Variants in FNIP2 observed in about 807,000 individuals in gnomAD.
FNIP2 encodes folliculin interacting protein 2, also known as folliculin-interacting protein 2.
Under a neutral mutation model 108.7 loss-of-function variants are expected in FNIP2, and 32 were observed. That is an observed-to-expected ratio of 0.29 (90% CI 0.22 to 0.40). The LOEUF is 0.40. Among genes scored for constraint, FNIP2 ranks in the 10% least tolerant of loss-of-function variants. The pLI is 1.00. For synonymous variants in FNIP2, 480 were observed against 496.7 expected (o/e 0.97, Z 0.45); for missense variants, 1,202 against 1,381.6 (o/e 0.87, Z 2.06).
intron 1 of FNIP2, among the ~76,000 whole-genome samples, chr4:158,816,877 A>G (rs1009983764): frequency 4.6e-5 from 7 of 150,872 alleles, no homozygotes; most frequent in Non-Finnish European, 8.9e-5. Flanking sequence ...CAGTTTGGCT[A>G]TTTTTAAGTA....
chr4:158,829,607 A>G (rs1778349990), intron 3 of FNIP2, among the ~76,000 whole-genome samples: 1 of 152,202 alleles, frequency 6.6e-6, no homozygotes, highest in Non-Finnish European at 1.5e-5. Context: ...AGAACATACC[A>G]GTAAAAGGAA....
intron 7 of FNIP2, among the ~76,000 whole-genome samples, chr4:158,850,341 A>C (rs1180279918): frequency 6.6e-6 from 1 of 151,972 alleles, no homozygotes; most frequent in East Asian, 1.9e-4. Flanking sequence ...TAGGGAAGTA[A>C]AAGCAGAACA....
rs768352457 is a variant in FNIP2, at chr4:158,861,732, T to C, written c.1421T>C (p.Met474Thr). The change falls in exon 12 of 17, where the codon ATG (methionine) becomes ACG (threonine). Residue 474 changes from methionine (M) to threonine (T), a missense_variant. Met to Thr is a moderately conservative substitution (Grantham distance 81). Around this residue, in one of 5 missense-constraint regions of FNIP2, gnomAD observed 878 missense variants for 990.3 expected, o/e 0.89. Coordinates refer to ENST00000264433, the MANE Select transcript of FNIP2 (RefSeq NM_020840.3). ...SEKRTSQSVN[M>T]LAKTHPYNPL... ...AAACGTACCTCCCAGTCAGTGAACA[T>C]GCTGGCCAAAACACATCCGTATAAT... 13 of 1,614,024 alleles carry C rather than the reference T, an allele frequency of 8.1e-6. No individual in the cohort carries two copies. The highest frequency in any genetic ancestry group is 1.1e-5 in the Non-Finnish European group (13 of 1,179,894).
At chr4:158,848,025 A>T (rs1049706079) in intron 7 of FNIP2, among the ~76,000 whole-genome samples, 1 of 152,186 alleles carries the variant, frequency 6.6e-6, no homozygotes, top group African/African-American at 2.4e-5. Context: ...GACTCCAGGC[A>T]TTGGCTCACA....
At chr4:158,831,664 A>C (rs1778489414) in intron 3 of FNIP2, among the ~76,000 whole-genome samples, 197 bp from the exon 4 acceptor site, 1 of 152,252 alleles carries the variant, frequency 6.6e-6, no homozygotes, top group Non-Finnish European at 1.5e-5. Context: ...CAGAGAAGAA[A>C]TCACAAACAT....
At chr4:158,782,953 T>C (rs1163038388) in intron 1 of FNIP2, among the ~76,000 whole-genome samples, 1 of 152,246 alleles carries the variant, frequency 6.6e-6, no homozygotes, top group East Asian at 1.9e-4. Flanking sequence ...ATCCACACTT[T>C]AATTTGTTCA....
intron 12 of FNIP2, among the ~76,000 whole-genome samples, chr4:158,863,243 G>A (rs145044520): frequency 1.6e-3 from 251 of 152,328 alleles, no homozygotes; most frequent in African/African-American, 5.6e-3. Flanking sequence ...CAAAGAAGTC[G>A]GGGGCCTTCA....
At chr4:158,784,834 G>T (rs9884355) in intron 1 of FNIP2, among the ~76,000 whole-genome samples, 1 of 151,878 alleles carries the variant, frequency 6.6e-6, no homozygotes, top group Non-Finnish European at 1.5e-5. Context: ...CCAGGGGTTG[G>T]GGATCCCTGC....
intron 14 of FNIP2, among the ~76,000 whole-genome samples, chr4:158,885,024 T>C (rs1029640677): frequency 4.0e-5 from 6 of 148,864 alleles, no homozygotes; most frequent in African/African-American, 1.5e-4. Flanking sequence ...GGCATGGTGG[T>C]GTGTGCCTGT....
chr4:158,848,101 C>T (rs1399479092), intron 7 of FNIP2, among the ~76,000 whole-genome samples: 1 of 152,230 alleles, frequency 6.6e-6, no homozygotes, highest in Non-Finnish European at 1.5e-5. Context: ...TGGCTGGCTT[C>T]ACAACCTGCT....
chr4:158,881,791 C>T (rs1169834174), intron 14 of FNIP2, among the ~76,000 whole-genome samples: 1 of 152,170 alleles, frequency 6.6e-6, no homozygotes, highest in Non-Finnish European at 1.5e-5. Flanking sequence ...GGCGTGATCT[C>T]GGCTCGCTAC....
chr4:158,859,191 ACTT>A lies in FNIP2; in HGVS notation c.999_1001del (p.Phe334del). The A allele has an allele frequency of 1.9e-6, 3 of 1,613,514 alleles. No homozygotes were observed. Among genetic ancestry groups the A allele is most frequent in the Non-Finnish European group, 2.5e-6 (3 of 1,179,680 alleles). On this transcript the variant is annotated inframe_deletion, in exon 9 of 17. Transcript: ENST00000264433. Reference sequence around the variant, plus strand: ...GAAGAAGCACAAAGGAATTTCCAGGACTTCTTCTTTTCTCATTTTCCCCTGTTT... The same window carrying A: ...GAAGAAGCACAAAGGAATTTCCAGGACTTCTTTTCTCATTTTCCCCTGTTT...
chr4:158,903,335 A>G (rs2126809229), intron 16 of FNIP2, among the ~76,000 whole-genome samples: 1 of 152,194 alleles, frequency 6.6e-6, no homozygotes, highest in East Asian at 1.9e-4. Flanking sequence ...CAATGAGATG[A>G]GCCGGGTACA....
rs1415216788 is a variant in FNIP2, at chr4:158,907,703, C to T, written c.*3159C>T. On this transcript the variant is annotated 3_prime_UTR_variant, in exon 17 of 17. Coordinates refer to ENST00000264433, the MANE Select transcript of FNIP2 (RefSeq NM_020840.3). ...TTCAGCTTCTCTTGGTAAATGTGAA[C>T]CATTTGTTTTTTATTGTGCTTGGGG... is the stretch of plus-strand genomic sequence containing the variant. The T allele has an allele frequency of 6.6e-6, 1 of 152,058 alleles. No homozygotes were observed. The highest frequency in any genetic ancestry group is 2.4e-5 in the African/African-American group (1 of 41,388). The allele number at this position is 152,058 out of a possible 1,614,324, so 9.4% of individuals were successfully genotyped here.
chr4:158,889,719 G>GA (rs1578986651), intron 14 of FNIP2: 2 of 619,388 alleles, frequency 3.2e-6, no homozygotes, highest in Non-Finnish European at 4.0e-6. Context: ...CCCGTGGCAT[G>GA]ACCAGCATGT....
intron 12 of FNIP2, among the ~76,000 whole-genome samples, chr4:158,865,291 T>C (rs1780518529): frequency 6.6e-6 from 1 of 152,184 alleles, no homozygotes; most frequent in Admixed American, 6.5e-5. Context: ...ATTATATTCA[T>C]GAAAACAAAT....
intron 16 of FNIP2, among the ~76,000 whole-genome samples, chr4:158,902,285 A>C (rs1281894859): frequency 6.6e-6 from 1 of 151,914 alleles, no homozygotes; most frequent in Non-Finnish European, 1.5e-5. Flanking sequence ...TCCACTACAG[A>C]CCCTGTTTGC....
At chr4:158,845,296 A>G (rs568596905) in intron 7 of FNIP2, among the ~76,000 whole-genome samples, 2 of 152,376 alleles carry the variant, frequency 1.3e-5, no homozygotes, top group Non-Finnish European at 2.9e-5. Context: ...ACACAGAGTT[A>G]ACTGGAGGCA....
chr4:158,790,095 C>T (rs764219095), intron 1 of FNIP2, among the ~76,000 whole-genome samples: 2 of 151,646 alleles, frequency 1.3e-5, no homozygotes, highest in African/African-American at 2.4e-5. Context: ...AATTACTTTC[C>T]GGCTATGTAT....
Sources: allele counts gnomAD v4.1 joint callset (sites outside exome capture counted in the v4.1 genomes callset), GRCh38; gene constraint gnomAD v4.1.1; regional missense constraint gnomAD v4.1.1; transcripts MANE v1.5; gene names NCBI Gene and HGNC (gene_info 2026-07-23, HGNC 2026-07-21).